ZBTB7C: variants seen among roughly 807,000 people sequenced by gnomAD.
ZBTB7C encodes zinc finger and BTB domain containing 7C.
Under a neutral mutation model 25.7 loss-of-function variants are expected in ZBTB7C, and 8 were observed. The observed-to-expected ratio is 0.31, with a 90% CI of 0.18 to 0.56. The LOEUF is 0.56. Ranked by LOEUF, ZBTB7C falls within the 20% of genes least tolerant of loss-of-function variation. The pLI is 0.91. For synonymous variants in ZBTB7C, 394 were observed against 369.0 expected (o/e 1.07, Z -0.78); for missense variants, 824 against 855.2 (o/e 0.96, Z 0.46).
intron 3 of ZBTB7C, among the ~76,000 whole-genome samples, chr18:48,056,443 A>G (rs1398472196): frequency 6.6e-6 from 1 of 152,252 alleles, no homozygotes; most frequent in Non-Finnish European, 1.5e-5. Flanking sequence ...GATGAGTAAC[A>G]GAAGTAGGGG....
chr18:48,082,271 G>T (rs2038019878), intron 3 of ZBTB7C, among the ~76,000 whole-genome samples: 1 of 152,202 alleles, frequency 6.6e-6, no homozygotes, highest in African/African-American at 2.4e-5. Flanking sequence ...AGAACATCTT[G>T]AGCATGAGAT....
intron 2 of ZBTB7C, among the ~76,000 whole-genome samples, chr18:48,231,637 C>T (rs1361159672): frequency 6.6e-6 from 1 of 152,196 alleles, no homozygotes; most frequent in African/African-American, 2.4e-5. Context: ...GGATGCAGGA[C>T]AAGAACTCAG....
At chr18:48,203,370 C>T (rs2042501896) in intron 2 of ZBTB7C, 1 of 152,250 alleles carries the variant, frequency 6.6e-6, no homozygotes. Flanking sequence ...CTGGCCTGGG[C>T]CGAAAGCTGG....
intron 3 of ZBTB7C, among the ~76,000 whole-genome samples, chr18:48,171,437 A>C (rs2041476934): frequency 1.3e-5 from 2 of 152,178 alleles, no homozygotes; most frequent in African/African-American, 4.8e-5. Flanking sequence ...CCTTCACTCT[A>C]GGAAGAATAT....
Position 48,159,552 on chromosome 18 carries a change from C to T in ZBTB7C, c.-17+26382G>A, listed in dbSNP as rs570952656. 5.1e-4 allele frequency among the ~76,000 whole-genome samples: 77 copies of T among 152,344 alleles called. 1 individual carries two copies. In the South Asian group the frequency reaches 0.015, roughly 30 times the overall value. ...GCCTACACTAATTCATTCATCACCT[C>T]TGTGTCCACAGATGGTGCAAAGATC... On this transcript the variant is annotated intron_variant, in intron 3 of 4. Transcript: ENST00000590800.
Position 48,259,142 on chromosome 18 carries a change from G to T in ZBTB7C, c.-78-73147C>A, listed in dbSNP as rs552653632. On this transcript the variant is annotated intron_variant, in intron 2 of 4. Transcript: ENST00000590800. ...TTTTTGTATTTTTAGTAGAGACAGG[G>T]TTTCACCATGTTGCCCAGGCTGGCT... Among the ~76,000 whole-genome samples, 688 of 152,132 alleles carry T rather than the reference G, an allele frequency of 4.5e-3. 2 individuals carry two copies. Among genetic ancestry groups the T allele is most frequent in the African/African-American group, 0.016 (652 of 41,482 alleles).
chr18:48,169,924 TTC>T (rs2041410910), intron 3 of ZBTB7C: 1 of 152,410 alleles, frequency 6.6e-6, no homozygotes, highest in African/African-American at 2.4e-5. Flanking sequence ...AAAGTCTCTG[TTC>T]TCTCTGTTAT....
chr18:48,243,998 G>A (rs146358701), intron 2 of ZBTB7C, among the ~76,000 whole-genome samples: 3,174 of 152,246 alleles, frequency 0.021, 47 homozygotes, highest in African/African-American at 0.042. Flanking sequence ...CTGGATCCTC[G>A]TCTCTCAGCT....
chr18:48,311,502 T>C (rs2045818212), intron 2 of ZBTB7C, among the ~76,000 whole-genome samples: 1 of 150,890 alleles, frequency 6.6e-6, no homozygotes, highest in Non-Finnish European at 1.5e-5. Context: ...AAGAGGGGGT[T>C]GCTACTGTCA....
At chr18:48,397,086 C>T (rs755876786) in intron 1 of ZBTB7C, among the ~76,000 whole-genome samples, 7 of 152,122 alleles carry the variant, frequency 4.6e-5, no homozygotes, top group South Asian at 4.1e-4. Context: ...CTAAAATAAA[C>T]GGTTTTAGTA....
intron 1 of ZBTB7C, among the ~76,000 whole-genome samples, chr18:48,378,185 T>C (rs1598995773): frequency 6.6e-6 from 1 of 151,600 alleles, no homozygotes; most frequent in East Asian, 1.9e-4. Context: ...AAAGTTAGAG[T>C]TTCTTCTCTG....
intron 2 of ZBTB7C, among the ~76,000 whole-genome samples, chr18:48,227,056 A>AG (rs1354175456): frequency 1.3e-5 from 2 of 151,724 alleles, no homozygotes; most frequent in Non-Finnish European, 2.9e-5. Context: ...AAAAAGAAAA[A>AG]AAAAAGAGTT....
At chr18:48,213,938 C>T (rs1016215113) in intron 2 of ZBTB7C, among the ~76,000 whole-genome samples, 3 of 152,170 alleles carry the variant, frequency 2.0e-5, no homozygotes, top group Non-Finnish European at 2.9e-5. Context: ...GCTGTGACAA[C>T]GTGTGTGGCA....
intron 3 of ZBTB7C, among the ~76,000 whole-genome samples, chr18:48,093,681 C>A (rs12604363): frequency 0.094 from 14,272 of 151,994 alleles, 866 homozygotes; most frequent in South Asian, 0.16. Flanking sequence ...GAAGAGGCAA[C>A]AAACTGCCCA....
At chr18:48,318,724 C>T (rs2046013961) in intron 2 of ZBTB7C, among the ~76,000 whole-genome samples, 1 of 152,204 alleles carries the variant, frequency 6.6e-6, no homozygotes. Flanking sequence ...GCCCAGCCCT[C>T]AGGCTCCGCA....
intron 3 of ZBTB7C, chr18:48,150,595 A>AG (rs2040646726): frequency 6.6e-6 from 1 of 152,236 alleles, no homozygotes; most frequent in East Asian, 1.9e-4. Flanking sequence ...AAAAAAAAAA[A>AG]AAAAAATACA....
chr18:48,289,903 T>C (rs2045171551), intron 2 of ZBTB7C, among the ~76,000 whole-genome samples: 1 of 152,002 alleles, frequency 6.6e-6, no homozygotes, highest in Non-Finnish European at 1.5e-5. Flanking sequence ...AGATACAACG[T>C]GGATTCTCAC....
At chr18:48,058,520 C>T (rs1248350476) in intron 3 of ZBTB7C, among the ~76,000 whole-genome samples, 1 of 152,198 alleles carries the variant, frequency 6.6e-6, no homozygotes, top group Admixed American at 6.5e-5. Context: ...ACCTCTAGTC[C>T]CACCTCTCTG....
At chr18:48,077,520 T>C (rs1312311898) in intron 3 of ZBTB7C, among the ~76,000 whole-genome samples, 1 of 152,202 alleles carries the variant, frequency 6.6e-6, no homozygotes, top group Non-Finnish European at 1.5e-5. Flanking sequence ...CTGAGCCTAG[T>C]ACAGGGCCTG....
Sources: gnomAD v4.1 joint callset for allele counts (sites outside exome capture counted in the v4.1 genomes callset) on GRCh38, gnomAD v4.1.1 for gene constraint, MANE v1.5 for transcripts, NCBI Gene and HGNC (gene_info 2026-07-23, HGNC 2026-07-21) for gene names.